Variants in SPATA13 observed in about 807,000 individuals in gnomAD.
SPATA13 encodes the protein spermatogenesis associated 13, also known as spermatogenesis-associated protein 13.
Under a neutral mutation model 104.0 loss-of-function variants are expected in SPATA13, and 50 were observed. The ratio of observed to expected loss-of-function variants is 0.48; its 90% CI spans 0.38 to 0.61. The LOEUF is 0.61. Ranked by LOEUF, SPATA13 falls within the 20% of genes least tolerant of loss-of-function variation. SPATA13 has a pLI of 0.00. For missense variants in SPATA13, 1,524 were observed against 1,690.6 expected (o/e 0.90, Z 1.73); for synonymous variants, 606 against 667.5 (o/e 0.91, Z 1.42).
chr13:24,216,202 A>AC lies in SPATA13; in HGVS notation c.-111-6615dup, dbSNP rs199747226. On this transcript the variant is annotated intron_variant, in intron 1 of 12. Transcript: ENST00000382108. ...GCCAGCATCTTTCGCACAAGCTCAG[A>AC]CCTACCTGCCCTTTCATCTCTCACT... Among the ~76,000 whole-genome samples the AC allele has an allele frequency of 2.0e-3, 309 of 152,224 alleles. 3 individuals are homozygous for AC. The highest frequency in any genetic ancestry group is 7.1e-3 in the African/African-American group (294 of 41,524).
intron 3 of SPATA13, among the ~76,000 whole-genome samples, chr13:24,111,261 C>T (rs7323612): frequency 6.6e-6 from 1 of 152,056 alleles, no homozygotes. Context: ...AAAAAAAATT[C>T]TAACAAACTA....
intron 11 of SPATA13, among the ~76,000 whole-genome samples, chr13:24,298,180 G>A (rs1185271150): frequency 2.6e-5 from 4 of 152,158 alleles, no homozygotes; most frequent in African/African-American, 9.7e-5. Context: ...CCCCAGAGAT[G>A]GAACCCCACT....
intron 1 of SPATA13, among the ~76,000 whole-genome samples, chr13:24,190,109 TTATTATATAA>T: frequency 9.4e-5 from 1 of 10,650 alleles, no homozygotes; most frequent in Non-Finnish European, 4.7e-4. Flanking sequence ...ACAATATATA[TTATTATATAA>T]CATAATAATA....
At position 24,249,835 on chromosome 13, in the gene SPATA13, T is replaced by C. The variant is rs764078951; in HGVS notation, c.2012T>C (p.Leu671Pro). 7 of 1,600,110 alleles carry C rather than the reference T, an allele frequency of 4.4e-6. No homozygotes were observed. In the East Asian group the frequency reaches 1.6e-4, roughly 36 times the overall value. The change falls in exon 3 of 13, where the codon CTG (leucine) becomes CCG (proline). Residue 671 changes from leucine to proline, a missense_variant. Around this residue, in one of 2 missense-constraint regions of SPATA13, gnomAD observed 1,089 missense variants for 1,135.9 expected, o/e 0.96. Transcript: ENST00000382108. ...CAGACGGAGGAACTGGACAATCTTC[T>C]GACCCAAGTAAGATCTGGTGTGCAC... is the stretch of plus-strand genomic sequence containing the variant. ...TNQTEELDNLLTQPASRPPMP... is the reference protein window; with the variant it reads ...TNQTEELDNLPTQPASRPPMP...
At chr13:24,147,485 T>C (rs1881969217) in intron 3 of SPATA13, among the ~76,000 whole-genome samples, 1 of 152,200 alleles carries the variant, frequency 6.6e-6, no homozygotes, top group Admixed American at 6.5e-5. Flanking sequence ...CCTTCTCCGT[T>C]GGAAGTGGTG....
chr13:24,129,279 C>G (rs1159916574), intron 3 of SPATA13, among the ~76,000 whole-genome samples: 1 of 152,196 alleles, frequency 6.6e-6, no homozygotes, highest in African/African-American at 2.4e-5. Context: ...CAGCGTCTGT[C>G]CCATGTGAGC....
intron 7 of SPATA13, among the ~76,000 whole-genome samples, chr13:24,287,862 G>T (rs1005556587): frequency 6.6e-6 from 1 of 152,164 alleles, no homozygotes. Context: ...ACTGCTGTTC[G>T]CCCTGTCTGC....
At chr13:24,198,143 C>T (rs1021076250) in intron 1 of SPATA13, among the ~76,000 whole-genome samples, 3 of 152,160 alleles carry the variant, frequency 2.0e-5, no homozygotes, top group East Asian at 3.9e-4. Flanking sequence ...TTACAGGCGC[C>T]CGCCACCATG....
Position 24,021,521 on chromosome 13 carries a change from A to G in SPATA13, c.-112+3820A>G, listed in dbSNP as rs74764856. 1.2e-4 allele frequency among the ~76,000 whole-genome samples: 19 copies of G among 152,302 alleles called. No homozygotes were observed. The South Asian group carries it at 3.9e-3, about 32-fold the overall frequency. On this transcript the variant is annotated intron_variant, in intron 3 of 14. Transcript: ENST00000424834. ...ACAAAAAATATAAAAATTAAAAACC[A>G]GTATCAGGCTGAAAAGCTAGGTTGG... is the stretch of plus-strand genomic sequence containing the variant.
At chr13:24,186,330 C>T (rs541104077) in intron 1 of SPATA13, among the ~76,000 whole-genome samples, 29 of 152,238 alleles carry the variant, frequency 1.9e-4, no homozygotes, top group African/African-American at 6.5e-4. Context: ...GATGCTACAC[C>T]AGCAATTAGG....
chr13:24,129,544 G>A (rs1370910029), intron 3 of SPATA13, among the ~76,000 whole-genome samples: 1 of 152,156 alleles, frequency 6.6e-6, no homozygotes, highest in Non-Finnish European at 1.5e-5. Context: ...AAATTAGTAG[G>A]GACAGGTTTG....
chr13:24,211,700 C>A (rs1593422895), intron 1 of SPATA13, among the ~76,000 whole-genome samples: 1 of 152,232 alleles, frequency 6.6e-6, no homozygotes, highest in East Asian at 1.9e-4. Flanking sequence ...CTCCCCAGCC[C>A]ACGGCCAGGA....
chr13:24,104,204 G>A (rs553775406), intron 3 of SPATA13, among the ~76,000 whole-genome samples: 41 of 151,754 alleles, frequency 2.7e-4, no homozygotes, highest in Admixed American at 9.2e-4. Flanking sequence ...GGGGTGAACC[G>A]TTTGGATTTG....
chr13:24,208,312 T>A (rs1249719389), intron 1 of SPATA13, among the ~76,000 whole-genome samples: 1 of 152,252 alleles, frequency 6.6e-6, no homozygotes, highest in Non-Finnish European at 1.5e-5. Flanking sequence ...ATAACCTGTG[T>A]TCCATATTCC....
chr13:24,119,063 T>A (rs551027295), intron 3 of SPATA13, among the ~76,000 whole-genome samples: 5 of 152,026 alleles, frequency 3.3e-5, no homozygotes, highest in African/African-American at 1.2e-4. Flanking sequence ...CTGCCACCGC[T>A]CCCTGCTAAT....
intron 1 of SPATA13, among the ~76,000 whole-genome samples, chr13:24,172,133 A>AC (rs957008474): frequency 5.1e-4 from 78 of 152,116 alleles, no homozygotes; most frequent in African/African-American, 1.8e-3. Context: ...CCTCTGTCCC[A>AC]CCCTGCCTTT....
At chr13:24,131,474 A>G (rs7317009) in intron 3 of SPATA13, among the ~76,000 whole-genome samples, 87,113 of 152,004 alleles carry the variant, frequency 0.57, 25,245 homozygotes, top group African/African-American at 0.63. Context: ...CTCCAAGGGC[A>G]TGGAAATCAC....
At chr13:24,138,315 A>ACAC (rs1555263884) in intron 3 of SPATA13, among the ~76,000 whole-genome samples, 1,813 of 82,394 alleles carry the variant, frequency 0.022, 44 homozygotes, top group African/African-American at 0.055. Context: ...GAAAAAAAAA[A>ACAC]AAAAAACAGT....
chr13:24,126,096 G>A (rs1881206311), intron 3 of SPATA13, among the ~76,000 whole-genome samples: 1 of 152,134 alleles, frequency 6.6e-6, no homozygotes, highest in Non-Finnish European at 1.5e-5. Flanking sequence ...TAGAAGTGAT[G>A]AGAAAGCATC....
Sources: allele counts gnomAD v4.1 joint callset (sites outside exome capture counted in the v4.1 genomes callset), GRCh38; gene constraint gnomAD v4.1.1; regional missense constraint gnomAD v4.1.1; transcripts MANE v1.5; gene names NCBI Gene and HGNC (gene_info 2026-07-23, HGNC 2026-07-21).